The following ALDH16A1 variants were observed in gnomAD, a reference collection of about 807,000 sequenced individuals.
ALDH16A1 encodes aldehyde dehydrogenase family 16 member A1.
In ALDH16A1, 88 loss-of-function variants were observed where a neutral mutation model predicts 96.1. That is an observed-to-expected ratio of 0.92 (90% CI 0.77 to 1.09). ALDH16A1 has a LOEUF of 1.09. Ranked by LOEUF, ALDH16A1 falls within the 50% of genes least tolerant of loss-of-function variation. ALDH16A1 has a pLI of 0.00. For missense variants in ALDH16A1, 1,250 were observed against 1,112.6 expected, an observed-to-expected ratio of 1.12 and a Z score of -1.76; for synonymous variants, 522 against 496.4, an observed-to-expected ratio of 1.05 and a Z score of -0.69.
Position 49,459,573 on chromosome 19 carries a change from G to T in ALDH16A1, c.321-97G>T, listed in dbSNP as rs1037635355. 1 of 1,392,812 alleles carries T rather than the reference G, an allele frequency of 7.2e-7. No homozygotes were observed. The highest frequency in any genetic ancestry group is 2.6e-5 in the Admixed American group (1 of 39,172). 86.3% of individuals were successfully genotyped at this position (1,392,812 alleles called of 1,614,324 possible). ...GGTAAATGGTGGGGATGCCTCAGGG[G>T]CTCATGGGGATTGTAGTCCAGGTAT... is the stretch of plus-strand genomic sequence containing the variant. On this transcript the variant is annotated intron_variant, in intron 3 of 16. Coordinates refer to ENST00000293350, the MANE Select transcript of ALDH16A1 (RefSeq NM_153329.4). This position sits in a 1 kb window ranked among gnomAD's most constrained non-coding sequence, Gnocchi z 4.1.
intron 5 of ALDH16A1, 102 bp downstream of exon 5, chr19:49,461,001 G>C: frequency 7.7e-7 from 1 of 1,297,448 alleles, no homozygotes; most frequent in Non-Finnish European, 1.1e-6. Context: ...TGGAGGCCTG[G>C]ACTCTGTGGA....
intron 14 of ALDH16A1, among the ~76,000 whole-genome samples, chr19:49,467,496 G>A (rs1305949987): frequency 2.0e-5 from 3 of 150,468 alleles, no homozygotes; most frequent in East Asian, 2.0e-4. Flanking sequence ...CCAGGTTCAC[G>A]CCATTCTCCT....
rs2079081366 is a variant in ALDH16A1 at position 49,453,271 on chromosome 19, T to C, written c.-61T>C. ...AACCGGAGGTGTCGCTCTTCGGACC[T>C]CAAGGTTCCCCTTAACACAGAGCGC... On this transcript the variant is annotated 5_prime_UTR_variant, in exon 1 of 17. Coordinates refer to ENST00000293350, the MANE Select transcript of ALDH16A1 (RefSeq NM_153329.4). 3.5e-6 allele frequency: 5 copies of C among 1,447,244 alleles called. No individual in the cohort carries two copies. Among genetic ancestry groups the C allele is most frequent in the Non-Finnish European group, 4.6e-6 (5 of 1,079,598 alleles). The allele number at this position is 1,447,244 out of a possible 1,614,324, so 89.7% of individuals were successfully genotyped here. A position where few individuals can be genotyped will look rare whatever the true frequency, so the allele number is the denominator to read the frequency against.
At position 49,460,736 on chromosome 19, in the gene ALDH16A1, G is replaced by A. The variant is rs887332494; in HGVS notation, c.500-86G>A. 31 of 626,982 alleles carry A rather than the reference G, an allele frequency of 4.9e-5. No homozygotes were observed. The East Asian group carries it at 5.7e-4, about 12-fold the overall frequency. 38.8% of individuals were successfully genotyped at this position (626,982 alleles called of 1,614,324 possible). A position where few individuals can be genotyped will look rare whatever the true frequency, so the allele number is the denominator to read the frequency against. On this transcript the variant is annotated intron_variant, in intron 4 of 16. Transcript: ENST00000293350. ...GCCATTTTTTTTTTTTTTTCCTAAT[G>A]TAGCCATGGGGTCTTGCCATGTGGC...
chr19:49,468,964 T>C lies in ALDH16A1; in HGVS notation c.2225T>C (p.Met742Thr), dbSNP rs777796379. ...GCCTTGCACCAAGACGTCCAGGCCA[T>C]GTGGTATTTCGGATCAGCCCAGGTG... is the stretch of plus-strand genomic sequence containing the variant. ...CLALHQDVQA[M>T]WYFGSAQGSQ... Residue 742 changes from methionine to threonine, a missense_variant, in exon 16 of 17, where the codon ATG (methionine) becomes ACG (threonine). By Grantham distance (81) the Met-to-Thr change is moderately conservative. Transcript: ENST00000293350. The surrounding 1 kb of genome is among the most constrained non-coding windows in gnomAD (Gnocchi z 4.4). 2 of 1,613,430 alleles carry C rather than the reference T, an allele frequency of 1.2e-6. No homozygotes were observed. Among genetic ancestry groups the C allele is most frequent in the Non-Finnish European group, 1.7e-6 (2 of 1,179,572 alleles).
At position 49,465,587 on chromosome 19, in the gene ALDH16A1, GT is replaced by G. The variant is rs140810945; in HGVS notation, c.1569-147del. ...CCCCCAGTGAATCATGGGAGCAGGA[GT>G]TTTAGGGTCCCCCAGAGGCTCATGG... On this transcript the variant is annotated intron_variant, in intron 12 of 16. Transcript: ENST00000293350. The G allele has an allele frequency of 4.7e-3, 4,478 of 959,720 alleles. 138 individuals carry two copies. The African/African-American group carries it at 0.064, about 14-fold the overall frequency. The allele number at this position is 959,720 out of a possible 1,614,324, so 59.5% of individuals were successfully genotyped here.
chr19:49,458,612 A>G, intron 2 of ALDH16A1, 24 bp downstream of exon 2: 1 of 1,548,374 alleles, frequency 6.5e-7, no homozygotes, highest in Non-Finnish European at 8.7e-7. Flanking sequence ...CCCAGTCATT[A>G]GTGGAAGGGA....
intron 7 of ALDH16A1, 65 bp from the exon 8 acceptor site, chr19:49,462,505 C>G: frequency 3.9e-6 from 6 of 1,547,874 alleles, no homozygotes; most frequent in Non-Finnish European, 5.3e-6. Context: ...TCTGTCTTCA[C>G]TCTTCAGATC....
rs777271183 is a variant in ALDH16A1 at position 49,460,805 on chromosome 19, T to C, written c.500-17T>C. Reference sequence around the variant, plus strand: ...CCTAGCCTCAAGGGATCCTCTTGCCTCATTTTTTTCTTGCAGGAGTAATTG... The same window carrying C: ...CCTAGCCTCAAGGGATCCTCTTGCCCCATTTTTTTCTTGCAGGAGTAATTG... On this transcript the variant is annotated splice_polypyrimidine_tract_variant and intron_variant, in intron 4 of 16. Transcript: ENST00000293350. The C allele has an allele frequency of 1.2e-6, 2 of 1,602,276 alleles. No individual in the cohort carries two copies. The highest frequency in any genetic ancestry group is 2.2e-5 in the South Asian group (2 of 90,890).
chr19:49,465,654 A>T, intron 12 of ALDH16A1, 84 bp from the exon 13 acceptor site: 1 of 1,476,348 alleles, frequency 6.8e-7, no homozygotes, highest in Non-Finnish European at 9.1e-7. Flanking sequence ...ACGGGAGCCA[A>T]GGCAGTCTTC....
chr19:49,459,560 G>T lies in ALDH16A1; in HGVS notation c.321-110G>T. The T allele has an allele frequency of 8.0e-7, 1 of 1,255,824 alleles. No homozygotes were observed. The highest frequency in any genetic ancestry group is 1.1e-6 in the Non-Finnish European group (1 of 926,874). 77.8% of individuals were successfully genotyped at this position (1,255,824 alleles called of 1,614,324 possible). A position where few individuals can be genotyped will look rare whatever the true frequency, so the allele number is the denominator to read the frequency against. ...GCCCTCTGCCCCAGGTAAATGGTGG[G>T]GATGCCTCAGGGGCTCATGGGGATT... On this transcript the variant is annotated intron_variant, in intron 3 of 16. Transcript: ENST00000293350. The surrounding 1 kb of genome is among the most constrained non-coding windows in gnomAD (Gnocchi z 4.1).
intron 6 of ALDH16A1, 21 bp downstream of exon 6, chr19:49,461,821 G>C (rs370664241): frequency 5.6e-6 from 9 of 1,606,556 alleles, no homozygotes; most frequent in Non-Finnish European, 7.6e-6. Flanking sequence ...GACAGGGGTC[G>C]TGGCGGAACG....
rs1209213992 is a variant in ALDH16A1, at chr19:49,460,952, C to T, written c.577+53C>T. On this transcript the variant is annotated intron_variant, in intron 5 of 16. Transcript: ENST00000293350. Reference sequence around the variant, plus strand: ...TCTTGGGTCTGAGAAAGGAGGGGATCGTGGGGCCCAAACTCCAGAGTCTGA... The same window carrying T: ...TCTTGGGTCTGAGAAAGGAGGGGATTGTGGGGCCCAAACTCCAGAGTCTGA... The T allele has an allele frequency of 1.0e-4, 158 of 1,563,282 alleles. 1 individual carries two copies. In the South Asian group the frequency reaches 1.5e-3, roughly 15 times the overall value.
At position 49,458,958 on chromosome 19, in the gene ALDH16A1, A is replaced by C; in HGVS notation, c.194-2A>C. 1 of 1,611,804 alleles carries C rather than the reference A, an allele frequency of 6.2e-7. No individual in the cohort carries two copies. Among genetic ancestry groups the C allele is most frequent in the Non-Finnish European group, 8.5e-7 (1 of 1,178,772 alleles). ...TCTGAGTCCCCCCACTTTTCTCCCC[A>C]GGAGAGAACTTGGCCAGTTGCCTGC... On this transcript the variant is annotated splice_acceptor_variant, in intron 2 of 16. Transcript: ENST00000293350. LOFTEE classifies it high-confidence loss of function.
intron 1 of ALDH16A1, among the ~76,000 whole-genome samples, chr19:49,454,513 GC>G (rs1266451676): frequency 6.6e-6 from 1 of 152,046 alleles, no homozygotes; most frequent in Non-Finnish European, 1.5e-5. Flanking sequence ...CCCCTCAGAG[GC>G]CCCCAGAACC....
chr19:49,461,366 T>C (rs1307862447), intron 5 of ALDH16A1, among the ~76,000 whole-genome samples: 2 of 129,632 alleles, frequency 1.5e-5, no homozygotes, highest in African/African-American at 3.1e-5. Context: ...GGCTGGAGTC[T>C]GGACTCCTGG....
At position 49,459,669 on chromosome 19, in the gene ALDH16A1, G is replaced by A; in HGVS notation, c.321-1G>A. The stretch of plus-strand genomic sequence containing the variant: ...TGAGCACCCTCTTGCTTTCTCGACA[G>A]GCTGGCCGAGGTGATCCAGAAGCAC... On this transcript the variant is annotated splice_acceptor_variant, in intron 3 of 16. Coordinates refer to ENST00000293350, the MANE Select transcript of ALDH16A1 (RefSeq NM_153329.4). LOFTEE classifies it high-confidence loss of function. This position sits in a 1 kb window ranked among gnomAD's most constrained non-coding sequence, Gnocchi z 4.1. 6.2e-7 allele frequency: 1 copy of A among 1,604,416 alleles called. No individual in the cohort carries two copies.
intron 14 of ALDH16A1, among the ~76,000 whole-genome samples, chr19:49,466,827 T>A (rs1241778053): frequency 6.6e-6 from 1 of 151,170 alleles, no homozygotes; most frequent in Admixed American, 6.6e-5. Flanking sequence ...GCCACTGCAC[T>A]CCAGCCTGAG....
chr19:49,459,144 C>T lies in ALDH16A1; in HGVS notation c.320+58C>T. The T allele has an allele frequency of 6.4e-7, 1 of 1,568,934 alleles. No individual in the cohort carries two copies. ...GGGGAACCCCAGCATCCACTCGAGA[C>T]CATGGGAACAAAGGCTATTTCCCAA... is the stretch of plus-strand genomic sequence containing the variant. On this transcript the variant is annotated intron_variant, in intron 3 of 16. Coordinates refer to ENST00000293350, the MANE Select transcript of ALDH16A1 (RefSeq NM_153329.4). The surrounding 1 kb of genome is among the most constrained non-coding windows in gnomAD (Gnocchi z 4.1).
Sources: gnomAD v4.1 joint callset for allele counts (sites outside exome capture counted in the v4.1 genomes callset) on GRCh38, gnomAD v4.1.1 for gene constraint, Gnocchi (gnomAD v3.1) non-coding constraint, MANE v1.5 for transcripts, NCBI Gene and HGNC (gene_info 2026-07-23, HGNC 2026-07-21) for gene names.